Variants in UNC5D observed in about 807,000 individuals in gnomAD.
The protein encoded by UNC5D is unc-5 netrin receptor D, also known as netrin receptor UNC5D.
UNC5D carries 39 observed loss-of-function variants against 105.4 expected under a neutral mutation model. The observed-to-expected ratio is 0.37, with a 90% CI of 0.29 to 0.48. The LOEUF is 0.48. UNC5D is among the 20% of genes least tolerant of loss of function. UNC5D has a pLI of 0.98. For missense variants in UNC5D, 991 were observed against 1,202.4 expected (o/e 0.82, Z 2.60); for synonymous variants, 452 against 450.4 (o/e 1.00, Z -0.04).
intron 10 of UNC5D, among the ~76,000 whole-genome samples, chr8:35,729,456 GAT>G (rs1829071960): frequency 6.6e-6 from 1 of 152,178 alleles, no homozygotes; most frequent in African/African-American, 2.4e-5. Flanking sequence ...GTTGCTTGAT[GAT>G]AGTTTCCTGT....
chr8:35,509,793 C>T (rs1484686540), intron 1 of UNC5D, among the ~76,000 whole-genome samples: 1 of 151,970 alleles, frequency 6.6e-6, no homozygotes. Context: ...AGGCTTAGTT[C>T]CACACAATTG....
chr8:35,632,128 A>G (rs910219400), intron 4 of UNC5D, among the ~76,000 whole-genome samples: 3 of 152,226 alleles, frequency 2.0e-5, no homozygotes, highest in South Asian at 2.1e-4. Flanking sequence ...ACTTAAGACC[A>G]AGAAGAGGTG....
chr8:35,393,334 C>A (rs181867163), intron 1 of UNC5D, among the ~76,000 whole-genome samples: 14 of 151,318 alleles, frequency 9.3e-5, no homozygotes, highest in African/African-American at 3.4e-4. Flanking sequence ...GGGGTTTCAC[C>A]GTGTTAGCCA....
At chr8:35,487,595 C>CACA (rs1563465091) in intron 1 of UNC5D, among the ~76,000 whole-genome samples, 3 of 123,686 alleles carry the variant, frequency 2.4e-5, no homozygotes, top group African/African-American at 1.1e-4. Flanking sequence ...ACACACACAC[C>CACA]CCACAGACTG....
chr8:35,377,788 A>G (rs1406483904), intron 1 of UNC5D, among the ~76,000 whole-genome samples: 1 of 152,206 alleles, frequency 6.6e-6, no homozygotes, highest in East Asian at 1.9e-4. Context: ...GGTCATATCT[A>G]GACTTTTTAA....
chr8:35,771,883 T>G (rs569438339), intron 15 of UNC5D, among the ~76,000 whole-genome samples: 1 of 152,230 alleles, frequency 6.6e-6, no homozygotes, highest in African/African-American at 2.4e-5. Context: ...CTGGGTGAAT[T>G]TTTCCGGGTT....
chr8:35,389,111 C>T (rs572489206), intron 1 of UNC5D, among the ~76,000 whole-genome samples: 19 of 152,238 alleles, frequency 1.2e-4, no homozygotes, highest in African/African-American at 4.6e-4. Flanking sequence ...CACACTTTTT[C>T]CTGTGGTTTT....
intron 4 of UNC5D, among the ~76,000 whole-genome samples, chr8:35,640,785 C>A (rs1242752896): frequency 1.3e-5 from 2 of 152,036 alleles, no homozygotes; most frequent in Non-Finnish European, 2.9e-5. Flanking sequence ...ATGAAGTAGA[C>A]TATGATTTTT....
intron 11 of UNC5D, among the ~76,000 whole-genome samples, chr8:35,747,266 G>A (rs1048870200): frequency 1.3e-5 from 2 of 152,154 alleles, no homozygotes; most frequent in Non-Finnish European, 1.5e-5. Flanking sequence ...TAGATAATGA[G>A]CTCAAGTATA....
intron 1 of UNC5D, among the ~76,000 whole-genome samples, chr8:35,398,864 A>G (rs1217584376): frequency 2.0e-5 from 3 of 152,138 alleles, no homozygotes; most frequent in South Asian, 2.1e-4. Flanking sequence ...GTAGTTTTCA[A>G]TAAAACAGTG....
intron 4 of UNC5D, among the ~76,000 whole-genome samples, chr8:35,629,611 G>A (rs1025467367): frequency 2.6e-5 from 4 of 152,042 alleles, no homozygotes; most frequent in Non-Finnish European, 4.4e-5. Flanking sequence ...TATTTGGGTG[G>A]TGGGTAGATT....
At chr8:35,273,883 T>C (rs1177693248) in intron 1 of UNC5D, among the ~76,000 whole-genome samples, 2 of 152,228 alleles carry the variant, frequency 1.3e-5, no homozygotes, top group Non-Finnish European at 2.9e-5. Context: ...ATTTTATTTA[T>C]AACCCTGGGA....
intron 4 of UNC5D, among the ~76,000 whole-genome samples, chr8:35,596,903 T>C (rs1485486917): frequency 1.3e-5 from 2 of 152,146 alleles, no homozygotes; most frequent in African/African-American, 4.8e-5. Context: ...AGCTTAGTGA[T>C]TTGGGGGCCC....
intron 1 of UNC5D, among the ~76,000 whole-genome samples, chr8:35,276,072 T>G (rs955617225): frequency 4.6e-5 from 7 of 152,106 alleles, no homozygotes; most frequent in African/African-American, 1.7e-4. Context: ...ATACAACGTG[T>G]TTTTTTATTG....
At chr8:35,509,100 G>A (rs1040369188) in intron 1 of UNC5D, among the ~76,000 whole-genome samples, 2 of 152,122 alleles carry the variant, frequency 1.3e-5, no homozygotes, top group Non-Finnish European at 2.9e-5. Context: ...CTTTAATTGT[G>A]TGCCCGGGGG....
chr8:35,611,148 G>A (rs532711177), intron 4 of UNC5D, among the ~76,000 whole-genome samples: 1 of 151,624 alleles, frequency 6.6e-6, no homozygotes, highest in Admixed American at 6.6e-5. Context: ...CTCCCAAAAA[G>A]ATGTAAAGCC....
intron 1 of UNC5D, among the ~76,000 whole-genome samples, chr8:35,307,279 T>C (rs1184344989): frequency 6.6e-6 from 1 of 152,196 alleles, no homozygotes; most frequent in Non-Finnish European, 1.5e-5. Flanking sequence ...GAACAGAACT[T>C]AACTTTGAGG....
At chr8:35,759,815 T>C (rs1801435932) in intron 14 of UNC5D, among the ~76,000 whole-genome samples, 1 of 152,184 alleles carries the variant, frequency 6.6e-6, no homozygotes, top group African/African-American at 2.4e-5. Context: ...CAGTTCATTA[T>C]GAGACAGCAT....
chr8:35,240,651 T>G (rs886470838), intron 1 of UNC5D, among the ~76,000 whole-genome samples: 1 of 152,178 alleles, frequency 6.6e-6, no homozygotes, highest in Non-Finnish European at 1.5e-5. Context: ...GATTTGTACC[T>G]ACTCCATCTG....
Sources: allele counts gnomAD v4.1 joint callset (sites outside exome capture counted in the v4.1 genomes callset), GRCh38; gene constraint gnomAD v4.1.1; transcripts MANE v1.5; gene names NCBI Gene and HGNC (gene_info 2026-07-23, HGNC 2026-07-21).